CSNK1G3: variants seen among roughly 807,000 people sequenced by gnomAD.
CSNK1G3 encodes casein kinase I isoform gamma-3.
A neutral mutation model predicts 64.3 loss-of-function variants in CSNK1G3; 23 were observed. The ratio of observed to expected loss-of-function variants is 0.36; its 90% CI spans 0.26 to 0.51. CSNK1G3 has a LOEUF of 0.51. Among genes scored for constraint, CSNK1G3 ranks in the 20% least tolerant of loss-of-function variants. The pLI is 0.96. For synonymous variants in CSNK1G3, 158 were observed against 162.2 expected (o/e 0.97, Z 0.20); for missense variants, 357 against 510.5 (o/e 0.70, Z 2.90).
chr5:123,556,857 A>G (rs189134164), intron 3 of CSNK1G3, among the ~76,000 whole-genome samples: 18 of 152,138 alleles, frequency 1.2e-4, no homozygotes, highest in Non-Finnish European at 2.5e-4. Context: ...AACAGAAAGC[A>G]TATACTGTAT....
At chr5:123,532,306 A>AT (rs1191958205) in intron 1 of CSNK1G3, among the ~76,000 whole-genome samples, 3 of 151,818 alleles carry the variant, frequency 2.0e-5, no homozygotes, top group African/African-American at 7.2e-5. Flanking sequence ...TTCTCTGCTG[A>AT]TTTTTTTATG....
intron 1 of CSNK1G3, among the ~76,000 whole-genome samples, chr5:123,520,679 CATATAATA>C (rs960413330): frequency 2.8e-4 from 43 of 151,878 alleles, no homozygotes; most frequent in African/African-American, 1.0e-3. Flanking sequence ...TGAAATTGGC[CATATAATA>C]TCTTTTGGTA....
chr5:123,588,009 C>T, intron 6 of CSNK1G3, 59 bp from the exon 7 acceptor site: 1 of 1,053,700 alleles, frequency 9.5e-7, no homozygotes, highest in Non-Finnish European at 1.4e-6. Flanking sequence ...ACAAACTCTC[C>T]ATTCTTCCAT....
intron 1 of CSNK1G3, among the ~76,000 whole-genome samples, chr5:123,531,035 T>C (rs897604482): frequency 2.0e-5 from 3 of 152,234 alleles, no homozygotes; most frequent in East Asian, 3.9e-4. Flanking sequence ...TATTGTAATA[T>C]AATTTTTATT....
chr5:123,558,703 C>T (rs1004500607), intron 4 of CSNK1G3, among the ~76,000 whole-genome samples: 1 of 152,142 alleles, frequency 6.6e-6, no homozygotes, highest in Non-Finnish European at 1.5e-5. Flanking sequence ...AAGTCTGATA[C>T]AGACAGGCCT....
chr5:123,569,047 T>C (rs1787539433), intron 4 of CSNK1G3, among the ~76,000 whole-genome samples: 1 of 152,246 alleles, frequency 6.6e-6, no homozygotes, highest in Non-Finnish European at 1.5e-5. Flanking sequence ...ACCAAGCTAA[T>C]AATTTGTTTA....
intron 1 of CSNK1G3, among the ~76,000 whole-genome samples, chr5:123,534,170 G>A (rs551621582): frequency 5.3e-5 from 8 of 152,026 alleles, no homozygotes; most frequent in Non-Finnish European, 1.0e-4. Context: ...AATACGACAG[G>A]CAATTATAAA....
intron 10 of CSNK1G3, among the ~76,000 whole-genome samples, chr5:123,598,879 G>GA (rs35520531): frequency 6.6e-6 from 1 of 152,110 alleles, no homozygotes; most frequent in Non-Finnish European, 1.5e-5. Context: ...TGTAGTTGAG[G>GA]AAAAATGTTG....
intron 1 of CSNK1G3, among the ~76,000 whole-genome samples, chr5:123,535,476 T>C (rs1780641885): frequency 6.6e-6 from 1 of 152,080 alleles, no homozygotes; most frequent in African/African-American, 2.4e-5. Flanking sequence ...TGATAGGTGC[T>C]ATGGTAGGGA....
intron 6 of CSNK1G3, among the ~76,000 whole-genome samples, chr5:123,580,576 T>C (rs1000475469): frequency 1.3e-5 from 2 of 152,060 alleles, no homozygotes; most frequent in South Asian, 2.1e-4. Flanking sequence ...GATTTCCATG[T>C]GTCCTTGCAT....
At chr5:123,536,640 T>C (rs1184554279) in intron 1 of CSNK1G3, among the ~76,000 whole-genome samples, 5 of 152,100 alleles carry the variant, frequency 3.3e-5, no homozygotes, top group African/African-American at 1.2e-4. Context: ...ATATAGTATG[T>C]GTATTGAAAC....
intron 12 of CSNK1G3, among the ~76,000 whole-genome samples, chr5:123,611,447 T>C (rs1796320412): frequency 6.6e-6 from 1 of 152,194 alleles, no homozygotes; most frequent in African/African-American, 2.4e-5. Context: ...GAAAATCTTA[T>C]TTAGTCTCAA....
chr5:123,602,174 A>G (rs1794616747), intron 10 of CSNK1G3, among the ~76,000 whole-genome samples: 1 of 152,170 alleles, frequency 6.6e-6, no homozygotes, highest in East Asian at 1.9e-4. Context: ...TTGCCTTTGA[A>G]GATTATCAAG....
exon 13 of CSNK1G3, chr5:123,614,817 A>G (rs1749186769): frequency 6.5e-6 from 1 of 154,824 alleles, no homozygotes; most frequent in Non-Finnish European, 1.4e-5. Context: ...TTCTCAGTGG[A>G]TAATACAACA....
chr5:123,573,386 C>T lies in CSNK1G3; in HGVS notation c.290-7C>T, dbSNP rs766681766. The T allele has an allele frequency of 4.2e-5, 67 of 1,612,408 alleles. No homozygotes were observed. The South Asian group carries it at 4.9e-4, about 12-fold the overall frequency. ...AAATTATTAAATGAGTATTTCTTTTCCCCCAGATGGTATACCTCAAGTTTA... is the reference window on the plus strand; with the variant it reads ...AAATTATTAAATGAGTATTTCTTTTTCCCCAGATGGTATACCTCAAGTTTA... On this transcript the variant is annotated splice_region_variant and splice_polypyrimidine_tract_variant and intron_variant, in intron 4 of 12. Coordinates refer to ENST00000345990, the Ensembl canonical transcript of CSNK1G3.
intron 4 of CSNK1G3, among the ~76,000 whole-genome samples, chr5:123,565,505 A>G (rs1228087129): frequency 6.6e-6 from 1 of 152,230 alleles, no homozygotes; most frequent in African/African-American, 2.4e-5. Flanking sequence ...TCTTAATCAG[A>G]GCTGTTTAAA....
At chr5:123,522,023 C>T (rs1290117230) in intron 1 of CSNK1G3, among the ~76,000 whole-genome samples, 2 of 152,138 alleles carry the variant, frequency 1.3e-5, no homozygotes, top group South Asian at 2.1e-4. Context: ...CTTCTTTTTA[C>T]ACTCTCAGCC....
At chr5:123,557,252 GTCAA>G (rs1784823096) in intron 3 of CSNK1G3, among the ~76,000 whole-genome samples, 1 of 152,102 alleles carries the variant, frequency 6.6e-6, no homozygotes, top group African/African-American at 2.4e-5. Context: ...GGGTCAAAGA[GTCAA>G]ACTTAAGGGA....
intron 2 of CSNK1G3, among the ~76,000 whole-genome samples, chr5:123,546,607 A>G (rs1468389952): frequency 2.0e-5 from 3 of 152,138 alleles, no homozygotes; most frequent in South Asian, 2.1e-4. Context: ...TAATGGTTGT[A>G]TAGAAGTCAG....
Sources: gnomAD v4.1 joint callset for allele counts (sites outside exome capture counted in the v4.1 genomes callset) on GRCh38, gnomAD v4.1.1 for gene constraint, MANE v1.5 for transcripts, NCBI Gene and HGNC (gene_info 2026-07-23, HGNC 2026-07-21) for gene names.